The following ETV1 variants were observed in gnomAD, a reference collection of about 807,000 sequenced individuals.
ETV1 encodes the protein ETS translocation variant 1.
Under a neutral mutation model 62.3 loss-of-function variants are expected in ETV1, and 27 were observed. The observed-to-expected ratio is 0.43, with a 90% CI of 0.32 to 0.60. The LOEUF is 0.60. Ranked by LOEUF, ETV1 falls within the 20% of genes least tolerant of loss-of-function variation. The pLI is 0.06. For synonymous variants in ETV1, 222 were observed against 199.6 expected (o/e 1.11, Z -0.94); for missense variants, 605 against 605.8 (o/e 1.00, Z 0.01).
intron 12 of ETV1, among the ~76,000 whole-genome samples, chr7:13,904,971 T>G (rs1056846139): frequency 6.7e-6 from 1 of 148,364 alleles, no homozygotes; most frequent in Non-Finnish European, 1.5e-5. Context: ...ATAATGAGAA[T>G]TTTCAAATAC....
In ETV1 at chr7:13,953,672, A is replaced by T. The variant is rs111915342; in HGVS notation, c.236-14426T>A. Among the ~76,000 whole-genome samples, 1,221 of 131,332 alleles carry T rather than the reference A, an allele frequency of 9.3e-3. 16 individuals carry two copies. Among genetic ancestry groups the T allele is most frequent in the South Asian group, 0.038 (163 of 4,274 alleles). The allele number at this position is 131,332 out of a possible 152,430, so 86.2% of individuals were successfully genotyped here. ...CAGGTTCTTCCCATAAGAACATGTT[A>T]AAAAAAAAAAAAAAAGAAAGAAAAA... On this transcript the variant is annotated intron_variant, in intron 6 of 13. Coordinates refer to ENST00000430479, the MANE Select transcript of ETV1 (RefSeq NM_004956.5).
intron 6 of ETV1, among the ~76,000 whole-genome samples, chr7:13,946,739 T>C (rs184091811): frequency 1.2e-3 from 184 of 152,278 alleles, no homozygotes; most frequent in Admixed American, 3.7e-3. Context: ...ACACTTGAAA[T>C]ATAAGGGGAG....
At chr7:13,950,117 C>T (rs1208701682) in intron 6 of ETV1, among the ~76,000 whole-genome samples, 1 of 152,062 alleles carries the variant, frequency 6.6e-6, no homozygotes, top group African/African-American at 2.4e-5. Flanking sequence ...AGGATTGAGC[C>T]AGTGTTTGTT....
At chr7:13,954,923 G>T (rs920504098) in intron 6 of ETV1, among the ~76,000 whole-genome samples, 2 of 152,124 alleles carry the variant, frequency 1.3e-5, no homozygotes, top group African/African-American at 2.4e-5. Flanking sequence ...GCCAAAAAAA[G>T]TACCTTTCAG....
At chr7:13,937,863 C>T (rs1030305638) in intron 7 of ETV1, among the ~76,000 whole-genome samples, 1 of 152,156 alleles carries the variant, frequency 6.6e-6, no homozygotes, top group African/African-American at 2.4e-5. Flanking sequence ...CTTAGAAAAG[C>T]AAATATAAAA....
At position 13,924,991 on chromosome 7, in the gene ETV1, T is replaced by C. The variant is rs1277436950; in HGVS notation, c.802+6511A>G. Reference sequence around the variant, plus strand: ...TCATGAGTAGCAGCAGGAGTGGCCTTAAGAAACACAATTTAAAAATGCAAA... The same window carrying C: ...TCATGAGTAGCAGCAGGAGTGGCCTCAAGAAACACAATTTAAAAATGCAAA... On this transcript the variant is annotated intron_variant, in intron 9 of 13. Coordinates refer to ENST00000430479, the MANE Select transcript of ETV1 (RefSeq NM_004956.5). Among the ~76,000 whole-genome samples the C allele has an allele frequency of 2.0e-5, 3 of 152,330 alleles. No individual in the cohort carries two copies. The East Asian group carries it at 5.8e-4, about 29-fold the overall frequency.
chr7:13,928,952 C>G (rs1355415916), intron 9 of ETV1, among the ~76,000 whole-genome samples: 1 of 152,010 alleles, frequency 6.6e-6, no homozygotes, highest in South Asian at 2.1e-4. Flanking sequence ...AGCGAGACTC[C>G]GTCTCAAAAA....
Position 13,906,549 on chromosome 7 carries a change from G to A in ETV1, c.991C>T (p.Arg331Trp), listed in dbSNP as rs1176085263. The change falls in exon 12 of 14, where the codon CGG becomes TGG. Residue 331 changes from arginine (R) to tryptophan (W), a missense_variant. By Grantham distance (101) the Arg-to-Trp change is moderately radical. Around this residue, in one of 3 missense-constraint regions of ETV1, gnomAD observed 100 missense variants for 156.4 expected, o/e 0.64. Coordinates refer to ENST00000430479, the MANE Select transcript of ETV1 (RefSeq NM_004956.5). ...GMYREGPTYQ[R>W]RGSLQLWQFL... ...TGCCAGAGCTGAAGTGATCCTCGCC[G>A]TTGGTATGTGGGTCCTTCCCGATAC... 9.9e-6 allele frequency: 16 copies of A among 1,612,294 alleles called. No individual in the cohort carries two copies. The highest frequency in any genetic ancestry group is 1.4e-5 in the Non-Finnish European group (16 of 1,179,098).
Position 13,931,577 on chromosome 7 carries a change from C to G in ETV1, c.727G>C (p.Gly243Arg). 1 of 1,614,038 alleles carries G rather than the reference C, an allele frequency of 6.2e-7. No homozygotes were observed. Among genetic ancestry groups the G allele is most frequent in the Non-Finnish European group, 8.5e-7 (1 of 1,179,900 alleles). Residue 243 changes from glycine to arginine, a missense_variant, in exon 9 of 14, where the codon GGC (glycine) becomes CGC (arginine). Around this residue, in one of 3 missense-constraint regions of ETV1, gnomAD observed 426 missense variants for 377.8 expected, o/e 1.13. Coordinates refer to ENST00000430479, the MANE Select transcript of ETV1 (RefSeq NM_004956.5). Reference sequence around the variant, plus strand: ...GGAAAGCTTTGGCTGGCCGCACTGCCAACCATGGTGTTGTGTTCATACACT... The same window carrying G: ...GGAAAGCTTTGGCTGGCCGCACTGCGAACCATGGTGTTGTGTTCATACACT... The part of the protein sequence containing the change: ...DPVYEHNTMV[G>R]SAASQSFPPP...
intron 6 of ETV1, among the ~76,000 whole-genome samples, chr7:13,965,766 A>C (rs1790711751): frequency 6.6e-6 from 1 of 152,190 alleles, no homozygotes; most frequent in Non-Finnish European, 1.5e-5. Context: ...ATTTAGCTCT[A>C]ATGTTACATA....
chr7:13,913,704 T>C (rs1783805979), intron 9 of ETV1, among the ~76,000 whole-genome samples: 1 of 152,148 alleles, frequency 6.6e-6, no homozygotes, highest in South Asian at 2.1e-4. Context: ...TACTCTGCTG[T>C]TCTTAAATTA....
In ETV1 at chr7:13,930,340, G is replaced by A. The variant is rs1785941150; in HGVS notation, c.802+1162C>T. Among the ~76,000 whole-genome samples, 3 of 151,666 alleles carry A rather than the reference G, an allele frequency of 2.0e-5. No individual in the cohort carries two copies. The South Asian group carries it at 6.3e-4, about 32-fold the overall frequency. On this transcript the variant is annotated intron_variant, in intron 9 of 13. Coordinates refer to ENST00000430479, the MANE Select transcript of ETV1 (RefSeq NM_004956.5). ...TATTTGGAAAAAAAATTTTTTTTTT[G>A]AGACGGAGTCTTACTCTGTCACCCA...
Position 13,894,374 on chromosome 7 carries a change from A to C in ETV1, c.*1492T>G, listed in dbSNP as rs1302381689. 4.3e-6 allele frequency: 1 copy of C among 232,702 alleles called. No homozygotes were observed. The highest frequency in any genetic ancestry group is 8.5e-6 in the Non-Finnish European group (1 of 117,546). 14.4% of individuals were successfully genotyped at this position (232,702 alleles called of 1,614,324 possible). A position where few individuals can be genotyped will look rare whatever the true frequency, so the allele number is the denominator to read the frequency against. The stretch of plus-strand genomic sequence containing the variant: ...AAATGCAAAGCAAAAACAGAACAAA[A>C]AACTTTGAAACTTTAAATCTTCTTT... On this transcript the variant is annotated 3_prime_UTR_variant, in exon 14 of 14. Coordinates refer to ENST00000430479, the MANE Select transcript of ETV1 (RefSeq NM_004956.5).
Position 13,895,246 on chromosome 7 carries a change from C to G in ETV1, c.*620G>C. ...ATTATTCAACTTCAGAGAGAATTAC[C>G]CATTTTATGGTTATCCTCTGCAAGT... On this transcript the variant is annotated 3_prime_UTR_variant, in exon 14 of 14. Coordinates refer to ENST00000430479, the MANE Select transcript of ETV1 (RefSeq NM_004956.5). The G allele has an allele frequency of 4.3e-6, 1 of 233,552 alleles. No individual in the cohort carries two copies. The highest frequency in any genetic ancestry group is 6.0e-5 in the East Asian group (1 of 16,532). The allele number at this position is 233,552 out of a possible 1,614,324, so 14.5% of individuals were successfully genotyped here. A position where few individuals can be genotyped will look rare whatever the true frequency, so the allele number is the denominator to read the frequency against.
chr7:13,957,223 C>T (rs1789579322), intron 6 of ETV1, among the ~76,000 whole-genome samples: 1 of 151,914 alleles, frequency 6.6e-6, no homozygotes, highest in Admixed American at 6.6e-5. Context: ...GTAGCTGGGA[C>T]TACAGGCGGC....
At chr7:13,978,253 A>G (rs1289506558) in intron 5 of ETV1, among the ~76,000 whole-genome samples, 1 of 152,148 alleles carries the variant, frequency 6.6e-6, no homozygotes, top group African/African-American at 2.4e-5. Context: ...AATAGCAAGG[A>G]CTTAATGCAT....
chr7:13,973,928 A>G (rs905983737), intron 6 of ETV1, among the ~76,000 whole-genome samples: 1 of 152,178 alleles, frequency 6.6e-6, no homozygotes, highest in Non-Finnish European at 1.5e-5. Flanking sequence ...AGGAGGAAAT[A>G]AGCACTAAGA....
chr7:13,908,094 G>A (rs117074814), intron 11 of ETV1, among the ~76,000 whole-genome samples: 3,887 of 152,088 alleles, frequency 0.026, 72 homozygotes, highest in Middle Eastern at 0.078. Context: ...GCCTATAAAT[G>A]TGACTGATCA....
At chr7:13,919,327 A>T (rs1233077933) in intron 9 of ETV1, among the ~76,000 whole-genome samples, 1 of 152,032 alleles carries the variant, frequency 6.6e-6, no homozygotes, top group East Asian at 1.9e-4. Flanking sequence ...GAGTGGTTTT[A>T]TTTTTTAATA....
Sources: gnomAD v4.1 joint callset for allele counts (sites outside exome capture counted in the v4.1 genomes callset) on GRCh38, gnomAD v4.1.1 for gene constraint, gnomAD v4.1.1 regional missense constraint, MANE v1.5 for transcripts, NCBI Gene and HGNC (gene_info 2026-07-23, HGNC 2026-07-21) for gene names.